The following ARHGAP26 variants were observed in gnomAD, a reference collection of about 807,000 sequenced individuals.
The protein encoded by ARHGAP26 is Rho GTPase activating protein 26.
A neutral mutation model predicts 104.8 loss-of-function variants in ARHGAP26; 38 were observed. That is an observed-to-expected ratio of 0.36 (90% CI 0.28 to 0.48). ARHGAP26 has a LOEUF of 0.48. Among genes scored for constraint, ARHGAP26 ranks in the 20% least tolerant of loss-of-function variants. The pLI, the probability that ARHGAP26 is intolerant of heterozygous loss-of-function variation, is 0.99. For missense variants in ARHGAP26, 704 were observed against 947.9 expected (o/e 0.74, Z 3.38); for synonymous variants, 341 against 340.0 (o/e 1.00, Z -0.03).
intron 11 of ARHGAP26, among the ~76,000 whole-genome samples, chr5:142,996,992 T>C (rs976321393): frequency 2.0e-5 from 3 of 152,184 alleles, no homozygotes; most frequent in African/African-American, 7.2e-5. Context: ...CCTAGTAAAG[T>C]TGAATATATA....
intron 6 of ARHGAP26, 85 bp from the exon 7 acceptor site, chr5:142,901,850 G>A: frequency 9.4e-7 from 1 of 1,061,914 alleles, no homozygotes; most frequent in Middle Eastern, 2.1e-4. Flanking sequence ...AGACTTTCAA[G>A]CCAGTGTTGG....
At chr5:142,948,996 T>C (rs1368645071) in intron 11 of ARHGAP26, among the ~76,000 whole-genome samples, 4 of 151,672 alleles carry the variant, frequency 2.6e-5, no homozygotes, top group Admixed American at 1.3e-4. Context: ...TCCTAGCTAC[T>C]TGGGAGACTG....
At chr5:143,047,874 A>G (rs1388668206) in intron 14 of ARHGAP26, among the ~76,000 whole-genome samples, 1 of 151,850 alleles carries the variant, frequency 6.6e-6, no homozygotes, top group Non-Finnish European at 1.5e-5. Context: ...GCTGGAGTGC[A>G]GTGGCTAAGT....
chr5:143,145,016 G>A (rs1367917238), intron 19 of ARHGAP26, among the ~76,000 whole-genome samples: 1 of 152,168 alleles, frequency 6.6e-6, no homozygotes, highest in Non-Finnish European at 1.5e-5. Flanking sequence ...GGCCCAGCAA[G>A]GGATACCAAT....
At chr5:142,898,446 G>A (rs560025917) in intron 6 of ARHGAP26, among the ~76,000 whole-genome samples, 1 of 152,072 alleles carries the variant, frequency 6.6e-6, no homozygotes, top group African/African-American at 2.4e-5. Context: ...TGCATCCTCC[G>A]AGTTTTCCAT....
At chr5:142,848,043 A>G (rs1182269190) in intron 1 of ARHGAP26, among the ~76,000 whole-genome samples, 2 of 152,230 alleles carry the variant, frequency 1.3e-5, no homozygotes, top group African/African-American at 4.8e-5. Context: ...ACAGTTGTTC[A>G]ATCCAATTGA....
intron 17 of ARHGAP26, among the ~76,000 whole-genome samples, chr5:143,064,454 A>G (rs1177921259): frequency 6.7e-6 from 1 of 149,080 alleles, no homozygotes; most frequent in Non-Finnish European, 1.5e-5. Flanking sequence ...TGGGAGGTCC[A>G]TGAAAGAAGT....
chr5:143,005,521 T>C (rs1283917839), intron 11 of ARHGAP26, among the ~76,000 whole-genome samples: 3 of 152,220 alleles, frequency 2.0e-5, no homozygotes, highest in Non-Finnish European at 4.4e-5. Flanking sequence ...GAACTTGCCT[T>C]GGCAGGGAGG....
At chr5:142,925,745 G>T (rs902845446) in intron 10 of ARHGAP26, among the ~76,000 whole-genome samples, 5 of 152,292 alleles carry the variant, frequency 3.3e-5, no homozygotes, top group African/African-American at 1.2e-4. Flanking sequence ...CTTTGAGATT[G>T]TGTGTTCCTG....
intron 14 of ARHGAP26, among the ~76,000 whole-genome samples, chr5:143,049,556 T>G (rs1484256628): frequency 3.9e-5 from 6 of 152,164 alleles, no homozygotes; most frequent in African/African-American, 1.4e-4. Context: ...TTTTTCAGAG[T>G]GCTTTGGTCT....
chr5:143,031,564 A>G (rs1230353599), intron 12 of ARHGAP26, among the ~76,000 whole-genome samples: 1 of 149,776 alleles, frequency 6.7e-6, no homozygotes, highest in Non-Finnish European at 1.5e-5. Flanking sequence ...CCGACCACCT[A>G]CACACCTCTT....
At chr5:143,166,549 A>AC (rs1801975523) in intron 20 of ARHGAP26, among the ~76,000 whole-genome samples, 1 of 151,130 alleles carries the variant, frequency 6.6e-6, no homozygotes, top group Non-Finnish European at 1.5e-5. Context: ...CCTGGGCTTT[A>AC]CTCTCCCTCA....
intron 1 of ARHGAP26, among the ~76,000 whole-genome samples, chr5:142,810,778 A>C (rs1418542564): frequency 6.6e-6 from 1 of 152,166 alleles, no homozygotes; most frequent in Non-Finnish European, 1.5e-5. Context: ...TTGAAGGGAC[A>C]CTCTTCGTTT....
chr5:143,048,103 C>T (rs1004285471), intron 14 of ARHGAP26, among the ~76,000 whole-genome samples: 1 of 152,170 alleles, frequency 6.6e-6, no homozygotes, highest in Non-Finnish European at 1.5e-5. Flanking sequence ...CCCACCTTGG[C>T]CTCCCAAAGT....
At chr5:142,792,042 CAA>C (rs975902894) in intron 1 of ARHGAP26, among the ~76,000 whole-genome samples, 150 of 149,810 alleles carry the variant, frequency 1.0e-3, no homozygotes, top group African/African-American at 3.6e-3. Flanking sequence ...TAATCAATTA[CAA>C]AAGAGTCATT....
At chr5:142,972,043 G>A (rs1044333097) in intron 11 of ARHGAP26, among the ~76,000 whole-genome samples, 2 of 152,130 alleles carry the variant, frequency 1.3e-5, no homozygotes, top group African/African-American at 4.8e-5. Flanking sequence ...TTAGCTGGGT[G>A]TGGTGACACA....
chr5:142,852,051 G>A (rs1249637244), intron 1 of ARHGAP26, among the ~76,000 whole-genome samples: 3 of 152,172 alleles, frequency 2.0e-5, no homozygotes, highest in Admixed American at 6.5e-5. Flanking sequence ...CGCTCCTTCC[G>A]GAACTTGATA....
intron 11 of ARHGAP26, among the ~76,000 whole-genome samples, chr5:142,965,688 A>T (rs192637510): frequency 6.6e-6 from 1 of 152,366 alleles, no homozygotes; most frequent in Admixed American, 6.5e-5. Context: ...TACATCTGGT[A>T]TAACTATTCT....
At chr5:142,925,842 G>A (rs1224696562) in intron 10 of ARHGAP26, among the ~76,000 whole-genome samples, 3 of 152,168 alleles carry the variant, frequency 2.0e-5, no homozygotes, top group African/African-American at 7.2e-5. Context: ...CTTGCCAACA[G>A]AAGATTTATA....
Sources: allele counts gnomAD v4.1 joint callset (sites outside exome capture counted in the v4.1 genomes callset), GRCh38; gene constraint gnomAD v4.1.1; transcripts MANE v1.5; gene names NCBI Gene and HGNC (gene_info 2026-07-23, HGNC 2026-07-21).